Variants in DOCK9 observed in about 807,000 individuals in gnomAD.
DOCK9 encodes the protein dedicator of cytokinesis 9.
A neutral mutation model predicts 263.3 loss-of-function variants in DOCK9; 89 were observed. The ratio of observed to expected loss-of-function variants is 0.34; its 90% CI spans 0.28 to 0.40. The LOEUF (loss-of-function observed/expected upper bound fraction) is 0.40, where lower values mean the gene tolerates loss of function less well. DOCK9 is among the 10% of genes least tolerant of loss of function. The probability of loss-of-function intolerance (pLI) is 1.00; values close to 1 mark genes in which losing one functional copy is unlikely to be tolerated. For missense variants in DOCK9, 2,140 were observed against 2,603.4 expected (o/e 0.82, Z 3.87); for synonymous variants, 976 against 973.1 (o/e 1.00, Z -0.06).
chr13:98,968,449 G>A (rs148367788), intron 1 of DOCK9, among the ~76,000 whole-genome samples: 292 of 152,102 alleles, frequency 1.9e-3, no homozygotes, highest in Non-Finnish European at 3.1e-3. Flanking sequence ...GGTTCACCCC[G>A]TCTCTACTAA....
chr13:98,880,670 G>A lies in DOCK9; in HGVS notation c.2748C>T (p.Tyr916=), dbSNP rs779438223. Residue 916 remains tyrosine, a splice_region_variant and synonymous_variant, in exon 26 of 53, where the codon TAC becomes TAT. Coordinates refer to ENST00000682017, the MANE Select transcript of DOCK9 (RefSeq NM_001366683.2). ...CAACATATGGCTCAGCCTTATACGC[G>A]TACTTTGAAGAAAAGAGAAAGAGAC... ...LESHLRSYVK[Y]AYKAEPYVAS... is the part of the protein sequence containing the mutation. 1.2e-5 allele frequency: 19 copies of A among 1,612,970 alleles called. No homozygotes were observed. Among genetic ancestry groups the A allele is most frequent in the African/African-American group, 4.0e-5 (3 of 74,892 alleles).
chr13:98,904,669 C>T lies in DOCK9; in HGVS notation c.998G>A (p.Ser333Asn). ...GTCCAAATAAAAAAGTTTGACTCTG[C>T]TTTCACTTTTCAGTTTGATTTCTGC... ...REAEIKLKSE[S>N]RVKLFYLDPD... Residue 333 changes from serine (S) to asparagine (N), a missense_variant, in exon 10 of 53, where the codon AGC (serine) becomes AAC (asparagine). Ser to Asn is a conservative substitution (Grantham distance 46). Coordinates refer to ENST00000682017, the MANE Select transcript of DOCK9 (RefSeq NM_001366683.2). 1.3e-6 allele frequency: 2 copies of T among 1,557,974 alleles called. No homozygotes were observed. Among genetic ancestry groups the T allele is most frequent in the Non-Finnish European group, 1.7e-6 (2 of 1,149,588 alleles).
intron 1 of DOCK9, chr13:99,086,212 C>T: frequency 6.7e-7 from 1 of 1,497,592 alleles, no homozygotes. Context: ...CCGCGGTCGT[C>T]CCGCACTCAC....
intron 1 of DOCK9, among the ~76,000 whole-genome samples, chr13:98,969,633 T>G (rs2059540268): frequency 6.6e-6 from 1 of 152,224 alleles, no homozygotes; most frequent in African/African-American, 2.4e-5. Flanking sequence ...GACGCCATGA[T>G]GGGCTACAGG....
At chr13:98,916,780 A>G (rs1400131098) in intron 7 of DOCK9, among the ~76,000 whole-genome samples, 1 of 151,714 alleles carries the variant, frequency 6.6e-6, no homozygotes, top group Non-Finnish European at 1.5e-5. Flanking sequence ...AAAAGTGGAG[A>G]AAAAAACATT....
chr13:99,022,548 C>T (rs947634978), intron 1 of DOCK9, among the ~76,000 whole-genome samples: 8 of 152,124 alleles, frequency 5.3e-5, no homozygotes, highest in African/African-American at 1.7e-4. Context: ...AAGGAGCAAG[C>T]GTCCAGGGAG....
chr13:99,035,982 A>G (rs1887829878), intron 1 of DOCK9, among the ~76,000 whole-genome samples: 1 of 152,128 alleles, frequency 6.6e-6, no homozygotes, highest in Admixed American at 6.6e-5. Flanking sequence ...TTTGAACTCC[A>G]ATTGCAACAT....
At chr13:99,087,150 G>A (rs1343651723), upstream of DOCK9, among the ~76,000 whole-genome samples, 2 of 151,988 alleles carry the variant, frequency 1.3e-5, no homozygotes, top group African/African-American at 4.8e-5. Flanking sequence ...GGCGGACCTG[G>A]ACGGAGCGTC....
intron 1 of DOCK9, among the ~76,000 whole-genome samples, chr13:99,001,726 G>A (rs1390777272): frequency 1.3e-5 from 2 of 152,260 alleles, no homozygotes; most frequent in Non-Finnish European, 2.9e-5. Context: ...AGGACAGCCT[G>A]AGATATCTGC....
intron 1 of DOCK9, among the ~76,000 whole-genome samples, chr13:99,038,945 C>T (rs1255881694): frequency 6.6e-6 from 1 of 152,222 alleles, no homozygotes; most frequent in Non-Finnish European, 1.5e-5. Context: ...TGCTGCATGA[C>T]ATTCATTATT....
intron 1 of DOCK9, among the ~76,000 whole-genome samples, chr13:99,057,221 G>A (rs912679500): frequency 6.6e-6 from 1 of 151,952 alleles, no homozygotes; most frequent in African/African-American, 2.4e-5. Flanking sequence ...TAATTACTTG[G>A]AATGAGTTTC....
chr13:98,841,616 ATTTTTTTTTT>A (rs763770697), intron 38 of DOCK9, among the ~76,000 whole-genome samples: 1 of 137,364 alleles, frequency 7.3e-6, no homozygotes, highest in Non-Finnish European at 1.6e-5. Context: ...TATGAACAAA[ATTTTTTTTTT>A]TTTTTTTTTT....
At chr13:98,821,903 T>G (rs2092294992) in intron 45 of DOCK9, among the ~76,000 whole-genome samples, 1 of 152,254 alleles carries the variant, frequency 6.6e-6, no homozygotes, top group African/African-American at 2.4e-5. Flanking sequence ...TCAACTGTGT[T>G]ATACACTTAT....
At chr13:98,889,168 C>A (rs2046249222) in intron 15 of DOCK9, among the ~76,000 whole-genome samples, 1 of 152,144 alleles carries the variant, frequency 6.6e-6, no homozygotes, top group South Asian at 2.1e-4. Flanking sequence ...TTAGAATCAT[C>A]ACCATTTGGG....
intron 1 of DOCK9, among the ~76,000 whole-genome samples, chr13:99,034,078 A>C (rs1887612447): frequency 6.6e-6 from 1 of 152,200 alleles, no homozygotes. Context: ...TGTTCAGCTC[A>C]CACAACCCTA....
At chr13:98,946,018 G>T (rs2056651222) in intron 2 of DOCK9, among the ~76,000 whole-genome samples, 1 of 130,646 alleles carries the variant, frequency 7.7e-6, no homozygotes, top group African/African-American at 3.0e-5. Context: ...CCAGGGACAG[G>T]ATAGGTCCCA....
At chr13:99,018,073 G>T (rs1885645615) in intron 1 of DOCK9, among the ~76,000 whole-genome samples, 1 of 152,068 alleles carries the variant, frequency 6.6e-6, no homozygotes, top group Admixed American at 6.5e-5. Flanking sequence ...CAATAAGAGA[G>T]AATGAAACAA....
At chr13:98,992,683 C>G (rs151053092) in intron 1 of DOCK9, among the ~76,000 whole-genome samples, 72 of 152,286 alleles carry the variant, frequency 4.7e-4, no homozygotes, top group African/African-American at 1.7e-3. Context: ...GCTTTTCCTT[C>G]GCCTTCCACC....
intron 44 of DOCK9, 48 bp from the exon 45 acceptor site, chr13:98,824,552 G>C: frequency 1.3e-6 from 2 of 1,548,122 alleles, no homozygotes; most frequent in Non-Finnish European, 1.8e-6. Flanking sequence ...ACCTGAACGT[G>C]GGTGAACCCT....
Sources: allele counts gnomAD v4.1 joint callset (sites outside exome capture counted in the v4.1 genomes callset), GRCh38; gene constraint gnomAD v4.1.1; transcripts MANE v1.5; gene names NCBI Gene and HGNC (gene_info 2026-07-23, HGNC 2026-07-21).